Variants in SEMA6D observed in about 807,000 individuals in gnomAD.
The protein encoded by SEMA6D is semaphorin 6D, also known as semaphorin-6D.
A neutral mutation model predicts 106.6 loss-of-function variants in SEMA6D; 35 were observed. The ratio of observed to expected loss-of-function variants is 0.33; its 90% confidence interval spans 0.25 to 0.44. SEMA6D has a LOEUF of 0.44. SEMA6D is among the 20% of genes least tolerant of loss of function. SEMA6D has a pLI of 1.00. For missense variants in SEMA6D, 1,185 were observed against 1,345.9 expected, an observed-to-expected ratio of 0.88 and a Z score of 1.87; for synonymous variants, 499 against 487.7, an observed-to-expected ratio of 1.02 and a Z score of -0.31.
At chr15:47,302,529 ATT>A in intron 1 of SEMA6D, among the ~76,000 whole-genome samples, 1 of 152,194 alleles carries the variant, frequency 6.6e-6, no homozygotes, top group Non-Finnish European at 1.5e-5. Flanking sequence ...TGCAGATGTG[ATT>A]AAGTAGGGAT....
At chr15:47,448,284 A>T (rs1362388918) in intron 2 of SEMA6D, among the ~76,000 whole-genome samples, 2 of 152,118 alleles carry the variant, frequency 1.3e-5, no homozygotes, top group African/African-American at 4.8e-5. Flanking sequence ...TGAAATGGAG[A>T]AGAGCTGACT....
At chr15:47,673,744 C>T (rs939790881) in intron 4 of SEMA6D, among the ~76,000 whole-genome samples, 4 of 152,162 alleles carry the variant, frequency 2.6e-5, no homozygotes, top group South Asian at 2.1e-4. Flanking sequence ...AGACAGATTA[C>T]GGAGAGAGAC....
chr15:47,250,590 A>G (rs2033463516), intron 1 of SEMA6D, among the ~76,000 whole-genome samples: 1 of 152,266 alleles, frequency 6.6e-6, no homozygotes, highest in South Asian at 2.1e-4. Context: ...TGGAAATTGT[A>G]TAAAATGAGT....
chr15:47,283,361 A>G (rs922622973), intron 1 of SEMA6D, among the ~76,000 whole-genome samples: 2 of 152,164 alleles, frequency 1.3e-5, no homozygotes, highest in African/African-American at 2.4e-5. Context: ...CTGTGACACC[A>G]CAAGCTGTTT....
intron 1 of SEMA6D, among the ~76,000 whole-genome samples, chr15:47,295,151 T>C (rs1824040492): frequency 6.6e-6 from 1 of 152,196 alleles, no homozygotes; most frequent in African/African-American, 2.4e-5. Context: ...CTGCAGCACA[T>C]TTGTCAGCTG....
chr15:47,385,253 A>G (rs2039791144), intron 1 of SEMA6D, among the ~76,000 whole-genome samples: 1 of 152,090 alleles, frequency 6.6e-6, no homozygotes, highest in Non-Finnish European at 1.5e-5. Flanking sequence ...AGTGCCATTA[A>G]GTCAAGTAAG....
At chr15:47,404,501 C>G (rs897889950) in intron 1 of SEMA6D, among the ~76,000 whole-genome samples, 4 of 152,128 alleles carry the variant, frequency 2.6e-5, no homozygotes, top group African/African-American at 7.2e-5. Context: ...AGCCTGAGCT[C>G]TTTGTAGCAC....
chr15:47,228,009 A>G (rs796946942), intron 1 of SEMA6D, among the ~76,000 whole-genome samples: 2 of 11,730 alleles, frequency 1.7e-4, no homozygotes, highest in African/African-American at 3.1e-4. Context: ...TTTTATATAT[A>G]TAAGAATCAT....
chr15:47,375,905 A>G (rs1037922016), intron 1 of SEMA6D, among the ~76,000 whole-genome samples: 3 of 152,244 alleles, frequency 2.0e-5, no homozygotes, highest in African/African-American at 7.2e-5. Flanking sequence ...TATATATGGA[A>G]AAAAGGAAAT....
At chr15:47,312,884 T>C (rs2036504265) in intron 1 of SEMA6D, among the ~76,000 whole-genome samples, 2 of 152,192 alleles carry the variant, frequency 1.3e-5, no homozygotes, top group African/African-American at 4.8e-5. Flanking sequence ...ATTAGTCACA[T>C]TTCAAGTACT....
chr15:47,741,970 G>C (rs1642289940), intron 1 of SEMA6D, among the ~76,000 whole-genome samples: 1 of 152,170 alleles, frequency 6.6e-6, no homozygotes, highest in Non-Finnish European at 1.5e-5. Flanking sequence ...GAGGGATGGA[G>C]AGGGTCTGAG....
chr15:47,564,634 T>C (rs12901328), intron 3 of SEMA6D, among the ~76,000 whole-genome samples: 65,561 of 151,936 alleles, frequency 0.43, 15,461 homozygotes, highest in Non-Finnish European at 0.53. Flanking sequence ...GCCTAGATAC[T>C]GATAGGGACA....
intron 1 of SEMA6D, among the ~76,000 whole-genome samples, chr15:47,291,243 C>T (rs75666731): frequency 0.022 from 3,380 of 152,258 alleles, 115 homozygotes; most frequent in African/African-American, 0.077. Context: ...AAAAGGTCTC[C>T]TTTTCAATAT....
At chr15:47,484,358 G>C (rs147731452) in intron 3 of SEMA6D, among the ~76,000 whole-genome samples, 1 of 152,162 alleles carries the variant, frequency 6.6e-6, no homozygotes, top group African/African-American at 2.4e-5. Context: ...CTCACCAACA[G>C]CCATTTAGGG....
intron 7 of SEMA6D, 151 bp downstream of exon 7, chr15:47,761,902 G>T: frequency 2.3e-6 from 1 of 429,352 alleles, no homozygotes; most frequent in Non-Finnish European, 3.8e-6. Flanking sequence ...TCCAAAAAAA[G>T]AAGAAATTAA....
At chr15:47,481,244 G>T (rs189649411) in intron 3 of SEMA6D, among the ~76,000 whole-genome samples, 1 of 152,178 alleles carries the variant, frequency 6.6e-6, no homozygotes, top group Admixed American at 6.6e-5. Flanking sequence ...GAGGTGAGCA[G>T]CCACAAACTC....
At chr15:47,488,537 C>G (rs1444792306) in intron 3 of SEMA6D, among the ~76,000 whole-genome samples, 1 of 151,582 alleles carries the variant, frequency 6.6e-6, no homozygotes, top group African/African-American at 2.4e-5. Flanking sequence ...ATTTACTCCT[C>G]TTTTTCTGAA....
chr15:47,238,542 G>T (rs2032701600), intron 1 of SEMA6D, among the ~76,000 whole-genome samples: 1 of 152,110 alleles, frequency 6.6e-6, no homozygotes, highest in African/African-American at 2.4e-5. Flanking sequence ...TTCTCCAATA[G>T]ATTGTGCTTT....
At chr15:47,366,543 C>T (rs1420701176) in intron 1 of SEMA6D, among the ~76,000 whole-genome samples, 1 of 152,112 alleles carries the variant, frequency 6.6e-6, no homozygotes, top group Non-Finnish European at 1.5e-5. Flanking sequence ...TTGAGGTATG[C>T]ATAGAGTACA....
Sources: allele counts gnomAD v4.1 joint callset (sites outside exome capture counted in the v4.1 genomes callset), GRCh38; gene constraint gnomAD v4.1.1; transcripts MANE v1.5; gene names NCBI Gene and HGNC (gene_info 2026-07-23, HGNC 2026-07-21).